ATP8A2: variants seen among roughly 807,000 people sequenced by gnomAD.
ATP8A2 encodes ATPase phospholipid transporting 8A2.
Under a neutral mutation model 165.6 loss-of-function variants are expected in ATP8A2, and 100 were observed. The observed-to-expected ratio is 0.60, with a 90% CI of 0.51 to 0.71. ATP8A2 has a LOEUF of 0.71. ATP8A2 is among the 30% of genes least tolerant of loss of function. The probability of loss-of-function intolerance (pLI) is 0.00; values close to 1 mark genes in which losing one functional copy is unlikely to be tolerated. For synonymous variants in ATP8A2, 543 were observed against 548.8 expected, an observed-to-expected ratio of 0.99 and a Z score of 0.15; for missense variants, 1,227 against 1,479.5, an observed-to-expected ratio of 0.83 and a Z score of 2.80.
In ATP8A2 at chr13:25,551,444, C is replaced by T. The variant is rs573104527; in HGVS notation, c.998C>T (p.Ala333Val). ...ILLVMALVSSAGALYWNRSHG... is the reference protein window; with the variant it reads ...ILLVMALVSSVGALYWNRSHG... ...TTGGTCATGGCCTTGGTGAGCTCGG[C>T]GGGGGCCCTGTACTGGAACAGGTCT... The change falls in exon 11 of 37, where the codon GCG (alanine) becomes GTG (valine). Residue 333 changes from alanine (A) to valine (V), a missense_variant. By Grantham distance (64) the Ala-to-Val change is moderately conservative (BLOSUM62 0). Around this residue, in one of 5 missense-constraint regions of ATP8A2, gnomAD observed 592 missense variants for 785.6 expected, o/e 0.75. Transcript: ENST00000381655. The T allele has an allele frequency of 4.1e-5, 66 of 1,613,874 alleles. No individual in the cohort carries two copies. The highest frequency in any genetic ancestry group is 6.7e-5 in the East Asian group (3 of 44,884).
intron 24 of ATP8A2, among the ~76,000 whole-genome samples, chr13:25,633,018 C>T (rs769715160): frequency 6.6e-6 from 1 of 152,094 alleles, no homozygotes; most frequent in African/African-American, 2.4e-5. Flanking sequence ...TCCTGAGTCA[C>T]GGAAGCATGT....
At chr13:25,920,428 G>A (rs987749395) in intron 33 of ATP8A2, among the ~76,000 whole-genome samples, 8 of 152,162 alleles carry the variant, frequency 5.3e-5, no homozygotes, top group Middle Eastern at 3.4e-3. Context: ...TCCTAAGCTC[G>A]GCACTTGTGA....
chr13:25,602,577 G>A (rs564493296), intron 24 of ATP8A2, among the ~76,000 whole-genome samples: 153 of 152,358 alleles, frequency 1.0e-3, no homozygotes, highest in Non-Finnish European at 7.8e-4. Context: ...GCTTCAGGCA[G>A]ATGGTCCAGC....
chr13:25,551,327 C>A lies in ATP8A2; in HGVS notation c.892-11C>A, dbSNP rs1223618783. 4 of 1,609,414 alleles carry A rather than the reference C, an allele frequency of 2.5e-6. No homozygotes were observed. In the Admixed American group the frequency reaches 6.7e-5, roughly 27 times the overall value. ...CTGTGACCCTTACTGACTTTCAATG[C>A]TGTTGTGTAGAATTCAACCAAAGCG... On this transcript the variant is annotated splice_polypyrimidine_tract_variant and intron_variant, in intron 10 of 36. Coordinates refer to ENST00000381655, the MANE Select transcript of ATP8A2 (RefSeq NM_016529.6).
At chr13:25,683,298 T>G (rs1381562560) in intron 24 of ATP8A2, among the ~76,000 whole-genome samples, 2 of 152,202 alleles carry the variant, frequency 1.3e-5, no homozygotes, top group African/African-American at 4.8e-5. Context: ...TTGTATGCAG[T>G]TCCTACATCA....
chr13:25,654,353 G>C (rs2041880701), intron 24 of ATP8A2, among the ~76,000 whole-genome samples: 1 of 152,058 alleles, frequency 6.6e-6, no homozygotes, highest in East Asian at 1.9e-4. Flanking sequence ...CCACAGATGT[G>C]TGCCATATGC....
chr13:25,653,072 T>C (rs970627857), intron 24 of ATP8A2, among the ~76,000 whole-genome samples: 5 of 152,244 alleles, frequency 3.3e-5, no homozygotes, highest in African/African-American at 9.6e-5. Context: ...TGTAAACGTC[T>C]TCAGGTCCAG....
At chr13:25,640,211 AAC>A (rs1320150199) in intron 24 of ATP8A2, among the ~76,000 whole-genome samples, 1 of 152,180 alleles carries the variant, frequency 6.6e-6, no homozygotes, top group East Asian at 1.9e-4. Flanking sequence ...AACAAGAGCA[AAC>A]ACATTCAAAA....
At chr13:25,539,137 C>A (rs949890534) in intron 7 of ATP8A2, among the ~76,000 whole-genome samples, 1 of 151,402 alleles carries the variant, frequency 6.6e-6, no homozygotes, top group Non-Finnish European at 1.5e-5. Flanking sequence ...TACTCTGTCA[C>A]CCAGGCTGGA....
intron 33 of ATP8A2, among the ~76,000 whole-genome samples, chr13:25,938,452 C>T (rs940717248): frequency 1.3e-5 from 2 of 152,182 alleles, no homozygotes; most frequent in African/African-American, 4.8e-5. Flanking sequence ...TTATGGATCC[C>T]GCAGTAACTG....
At chr13:25,412,900 A>C (rs1478768642) in intron 1 of ATP8A2, among the ~76,000 whole-genome samples, 1 of 152,172 alleles carries the variant, frequency 6.6e-6, no homozygotes. Flanking sequence ...GGCTCACTGC[A>C]ACCTCTGCCT....
At chr13:25,814,098 G>GACAC (rs59562535) in intron 27 of ATP8A2, among the ~76,000 whole-genome samples, 5,823 of 149,372 alleles carry the variant, frequency 0.039, 281 homozygotes, top group African/African-American at 0.12. Flanking sequence ...CACACATACA[G>GACAC]ACACACACAC....
chr13:25,450,571 G>T (rs534595929), intron 1 of ATP8A2, among the ~76,000 whole-genome samples: 3 of 152,032 alleles, frequency 2.0e-5, no homozygotes, highest in South Asian at 2.1e-4. Flanking sequence ...TCGCTCTGTC[G>T]CCCAGGCTGG....
At chr13:25,654,139 A>G (rs2041875532) in intron 24 of ATP8A2, among the ~76,000 whole-genome samples, 1 of 152,192 alleles carries the variant, frequency 6.6e-6, no homozygotes, top group Non-Finnish European at 1.5e-5. Flanking sequence ...TTTTTTGCTC[A>G]TTCATAGAAT....
chr13:25,430,770 G>T (rs1169871881), intron 1 of ATP8A2, among the ~76,000 whole-genome samples: 1 of 151,932 alleles, frequency 6.6e-6, no homozygotes, highest in East Asian at 1.9e-4. Context: ...GCAAATTTTT[G>T]TATTTTTAGT....
At chr13:25,880,395 A>AT (rs1952946277) in intron 33 of ATP8A2, among the ~76,000 whole-genome samples, 2 of 150,196 alleles carry the variant, frequency 1.3e-5, no homozygotes, top group Non-Finnish European at 3.0e-5. Context: ...AAAAAAAAAA[A>AT]GGAAGAGGGG....
chr13:26,013,464 C>G lies in ATP8A2; in HGVS notation c.3469+842C>G, dbSNP rs145001445. On this transcript the variant is annotated intron_variant, in intron 36 of 36. Coordinates refer to ENST00000381655, the MANE Select transcript of ATP8A2 (RefSeq NM_016529.6). Reference sequence around the variant, plus strand: ...CTGAGGTGAGTGGATCACTTGAGGTCAGGGGTTGGAGACCAGCCTGACCGA... The same window carrying G: ...CTGAGGTGAGTGGATCACTTGAGGTGAGGGGTTGGAGACCAGCCTGACCGA... 9.6e-4 allele frequency among the ~76,000 whole-genome samples: 146 copies of G among 152,308 alleles called. 1 individual carries two copies. The highest frequency in any genetic ancestry group is 3.2e-3 in the African/African-American group (133 of 41,588).
intron 35 of ATP8A2, among the ~76,000 whole-genome samples, chr13:25,970,945 T>A (rs868130715): frequency 2.6e-5 from 4 of 152,198 alleles, no homozygotes; most frequent in South Asian, 2.1e-4. Flanking sequence ...CCGTCTACAT[T>A]TGAAAGTCTT....
At chr13:25,556,606 CT>C (rs2038989423) in intron 13 of ATP8A2, among the ~76,000 whole-genome samples, 1 of 152,118 alleles carries the variant, frequency 6.6e-6, no homozygotes, top group African/African-American at 2.4e-5. Flanking sequence ...TGTCCAGAAG[CT>C]CTTTAGTTTA....
Sources: gnomAD v4.1 joint callset for allele counts (sites outside exome capture counted in the v4.1 genomes callset) on GRCh38, gnomAD v4.1.1 for gene constraint, gnomAD v4.1.1 regional missense constraint, MANE v1.5 for transcripts, NCBI Gene and HGNC (gene_info 2026-07-23, HGNC 2026-07-21) for gene names.